Variants in EXO1 observed in about 807,000 individuals in gnomAD.
EXO1 encodes exonuclease 1.
Under a neutral mutation model 84.5 loss-of-function variants are expected in EXO1, and 69 were observed. The ratio of observed to expected loss-of-function variants is 0.82; its 90% CI spans 0.67 to 1.00. EXO1 has a LOEUF of 1.00. EXO1 is among the 50% of genes least tolerant of loss of function. The pLI, the probability that EXO1 is intolerant of heterozygous loss-of-function variation, is 0.00. For missense variants in EXO1, 1,045 were observed against 1,000.7 expected, an observed-to-expected ratio of 1.04 and a Z score of -0.60; for synonymous variants, 373 against 366.1, an observed-to-expected ratio of 1.02 and a Z score of -0.21.
At chr1:241,879,986 G>A (rs1385613660) in intron 13 of EXO1, among the ~76,000 whole-genome samples, 2 of 147,124 alleles carry the variant, frequency 1.4e-5, no homozygotes, top group South Asian at 2.1e-4. Context: ...CAGCCTGGGG[G>A]ACAGAGCAAG....
At chr1:241,861,008 G>A (rs1400478019) in intron 9 of EXO1, among the ~76,000 whole-genome samples, 1 of 152,200 alleles carries the variant, frequency 6.6e-6, no homozygotes, top group Non-Finnish European at 1.5e-5. Flanking sequence ...GGACCTCCTC[G>A]TGGCAAGCAA....
rs147663824 is a variant in EXO1 at position 241,857,348 on chromosome 1, G to T, written c.409G>T (p.Ala137Ser). Residue 137 changes from alanine to serine, a missense_variant, in exon 7 of 16, where the codon GCC becomes TCC. Physicochemically the swap from Ala to Ser is moderately conservative, Grantham distance 99. Coordinates refer to ENST00000366548, the MANE Select transcript of EXO1 (RefSeq NM_130398.4). ...TCACTGTGATTCTCTCTTCTAGGCT[G>T]CCCGGTCTCAGGGGGTAGATTGCCT... is the stretch of plus-strand genomic sequence containing the variant. The part of the protein sequence containing the change: ...HAMAHKVIKA[A>S]RSQGVDCLVA... 1,698 of 1,613,292 alleles carry T rather than the reference G, an allele frequency of 1.1e-3. 1 individual carries two copies. The highest frequency in any genetic ancestry group is 1.5e-3 in the South Asian group (140 of 90,946).
chr1:241,858,819 CCT>C, intron 8 of EXO1, 101 bp downstream of exon 8: 2 of 859,310 alleles, frequency 2.3e-6, no homozygotes, highest in Non-Finnish European at 3.8e-6. Flanking sequence ...ATGCGAATAA[CCT>C]ATATTATATT....
At chr1:241,873,282 G>A (rs1662217057) in intron 12 of EXO1, among the ~76,000 whole-genome samples, 1 of 152,076 alleles carries the variant, frequency 6.6e-6, no homozygotes, top group African/African-American at 2.4e-5. Context: ...GATGAGCCTT[G>A]AATAAACATT....
chr1:241,876,548 C>T (rs565369756), intron 12 of EXO1, among the ~76,000 whole-genome samples: 4 of 152,064 alleles, frequency 2.6e-5, no homozygotes, highest in Admixed American at 2.6e-4. Context: ...CACCCCTGCA[C>T]TCCAGCCTGG....
intron 4 of EXO1, among the ~76,000 whole-genome samples, chr1:241,851,432 CT>C (rs887706086): frequency 2.0e-4 from 31 of 151,968 alleles, no homozygotes; most frequent in Admixed American, 3.9e-4. Flanking sequence ...AAAAGGTCAT[CT>C]TTTTTTTCTT....
At chr1:241,871,105 G>T (rs1183296580) in intron 11 of EXO1, among the ~76,000 whole-genome samples, 1 of 152,142 alleles carries the variant, frequency 6.6e-6, no homozygotes, top group African/African-American at 2.4e-5. Flanking sequence ...GGTTAATCTG[G>T]TGTGGCTTCT....
Position 241,885,298 on chromosome 1 carries a change from G to C in EXO1, c.2212-16G>C, listed in dbSNP as rs746674743. 1 of 1,597,524 alleles carries C rather than the reference G, an allele frequency of 6.3e-7. No homozygotes were observed. Among genetic ancestry groups the C allele is most frequent in the Non-Finnish European group, 8.6e-7 (1 of 1,165,840 alleles). ...GCTTTAACAGAATGGTCTTAAAATG[G>C]GTGTTTAATCTTCAGGTTCCTGGGC... On this transcript the variant is annotated splice_polypyrimidine_tract_variant and intron_variant, in intron 14 of 15. Transcript: ENST00000366548.
intron 6 of EXO1, among the ~76,000 whole-genome samples, chr1:241,854,212 A>G (rs1660828246): frequency 6.6e-6 from 1 of 152,178 alleles, no homozygotes; most frequent in Non-Finnish European, 1.5e-5. Context: ...ATGTGGGCTC[A>G]CTGCAACCTC....
chr1:241,880,654 A>G (rs989410169), intron 13 of EXO1, among the ~76,000 whole-genome samples: 19 of 152,230 alleles, frequency 1.2e-4, no homozygotes, highest in African/African-American at 4.3e-4. Context: ...TTCTCAAAGA[A>G]TCTGATGCTG....
At chr1:241,860,176 T>C (rs1023372712) in intron 8 of EXO1, among the ~76,000 whole-genome samples, 8 of 152,212 alleles carry the variant, frequency 5.3e-5, no homozygotes, top group African/African-American at 4.8e-5. Context: ...AATTCTCAGA[T>C]TTTGGATGTT....
chr1:241,870,069 C>T (rs1007836774), intron 11 of EXO1, among the ~76,000 whole-genome samples: 2 of 152,160 alleles, frequency 1.3e-5, no homozygotes, highest in African/African-American at 4.8e-5. Flanking sequence ...CTGGGCCTCC[C>T]AAAGTGCTGG....
At chr1:241,859,631 A>G (rs915749107) in intron 8 of EXO1, among the ~76,000 whole-genome samples, 4 of 152,158 alleles carry the variant, frequency 2.6e-5, no homozygotes, top group African/African-American at 9.7e-5. Context: ...ATATTCCAAA[A>G]TCTGAAAAAA....
intron 3 of EXO1, 62 bp from the exon 4 acceptor site, chr1:241,850,347 A>T: frequency 8.9e-7 from 1 of 1,117,774 alleles, no homozygotes; most frequent in Non-Finnish European, 1.4e-6. Flanking sequence ...TTTGTCTAAG[A>T]TGTTTTAATA....
intron 10 of EXO1, among the ~76,000 whole-genome samples, chr1:241,863,956 T>C (rs1661554911): frequency 6.6e-6 from 1 of 152,218 alleles, no homozygotes; most frequent in African/African-American, 2.4e-5. Context: ...TAGGGACTCT[T>C]TAATTGTACT....
At chr1:241,871,345 C>T (rs1220910798) in intron 11 of EXO1, among the ~76,000 whole-genome samples, 2 of 152,216 alleles carry the variant, frequency 1.3e-5, no homozygotes, top group Non-Finnish European at 2.9e-5. Flanking sequence ...TGTGCACTTA[C>T]ACCTCTGTGG....
At chr1:241,885,719 G>A in intron 15 of EXO1, 1 of 512,780 alleles carries the variant, frequency 2.0e-6, no homozygotes, top group Non-Finnish European at 3.5e-6. Flanking sequence ...CTAAAAACCA[G>A]TTTTCAGTCT....
intron 13 of EXO1, 86 bp downstream of exon 13, chr1:241,879,429 A>C (rs777345511): frequency 1.3e-5 from 10 of 764,028 alleles, no homozygotes; most frequent in Non-Finnish European, 2.0e-5. Context: ...TTTTTCCTAC[A>C]TGTGAATGAC....
At chr1:241,881,632 C>G (rs1662763855) in intron 13 of EXO1, among the ~76,000 whole-genome samples, 1 of 152,150 alleles carries the variant, frequency 6.6e-6, no homozygotes, top group Admixed American at 6.6e-5. Flanking sequence ...TTAGGAGACT[C>G]TTGTTTTATC....
Sources: gnomAD v4.1 joint callset for allele counts (sites outside exome capture counted in the v4.1 genomes callset) on GRCh38, gnomAD v4.1.1 for gene constraint, MANE v1.5 for transcripts, NCBI Gene and HGNC (gene_info 2026-07-23, HGNC 2026-07-21) for gene names.